The following THADA variants were observed in gnomAD, a reference collection of about 807,000 sequenced individuals.
The protein encoded by THADA is THADA armadillo repeat containing, also known as tRNA (32-2'-O)-methyltransferase regulator THADA.
In THADA, 213 loss-of-function variants were observed where a neutral mutation model predicts 219.8. The observed-to-expected ratio is 0.97, with a 90% CI of 0.87 to 1.09. The LOEUF is 1.09. Ranked by LOEUF, THADA falls within the 50% of genes least tolerant of loss-of-function variation. THADA has a pLI of 0.00. For synonymous variants in THADA, 1,018 were observed against 828.9 expected, an observed-to-expected ratio of 1.23 and a Z score of -3.92; for missense variants, 2,956 against 2,311.3, an observed-to-expected ratio of 1.28 and a Z score of -5.72.
chr2:43,551,004 T>C (rs1275944190), intron 19 of THADA, among the ~76,000 whole-genome samples: 1 of 152,208 alleles, frequency 6.6e-6, no homozygotes, highest in Non-Finnish European at 1.5e-5. Context: ...AACAACAGGC[T>C]AAATAAATGT....
At chr2:43,285,284 CGGG>C (rs374419975) in intron 35 of THADA, among the ~76,000 whole-genome samples, 209 of 152,224 alleles carry the variant, frequency 1.4e-3, no homozygotes, top group African/African-American at 5.0e-3. Context: ...GAATTGGAGG[CGGG>C]GCCTGGTGGG....
intron 26 of THADA, among the ~76,000 whole-genome samples, chr2:43,435,781 CAAAAAAA>C (rs542080356): frequency 3.7e-5 from 2 of 53,826 alleles, no homozygotes; most frequent in Non-Finnish European, 3.9e-5. Context: ...AACTTGCCAC[CAAAAAAA>C]AAAAAAAAAA....
At chr2:43,260,199 T>C (rs1198476248) in intron 36 of THADA, among the ~76,000 whole-genome samples, 3 of 152,206 alleles carry the variant, frequency 2.0e-5, no homozygotes, top group Non-Finnish European at 4.4e-5. Context: ...CCTCTCAAAG[T>C]GTGGGATCAC....
chr2:43,485,664 T>C (rs995946168), intron 25 of THADA, among the ~76,000 whole-genome samples: 1 of 152,146 alleles, frequency 6.6e-6, no homozygotes, highest in Non-Finnish European at 1.5e-5. Context: ...ACAATGAAGA[T>C]TGCAGTAAAA....
intron 26 of THADA, among the ~76,000 whole-genome samples, chr2:43,472,116 C>G (rs765706384): frequency 1.3e-5 from 2 of 152,170 alleles, no homozygotes; most frequent in Non-Finnish European, 2.9e-5. Context: ...AGAAAGAAAC[C>G]TCCATAAAAA....
chr2:43,580,819 G>A (rs1700353639), intron 8 of THADA, among the ~76,000 whole-genome samples: 1 of 151,886 alleles, frequency 6.6e-6, no homozygotes, highest in East Asian at 1.9e-4. Flanking sequence ...GGCAGAGGTT[G>A]CAGTGAGCCA....
intron 30 of THADA, among the ~76,000 whole-genome samples, chr2:43,327,473 TA>T (rs1679464912): frequency 3.2e-5 from 3 of 94,816 alleles, no homozygotes; most frequent in African/African-American, 4.1e-5. Flanking sequence ...GGGGGAGAAG[TA>T]AAGAGGGGGG....
intron 26 of THADA, among the ~76,000 whole-genome samples, chr2:43,431,535 G>A (rs947918513): frequency 1.3e-5 from 2 of 151,842 alleles, no homozygotes; most frequent in Admixed American, 6.6e-5. Context: ...GTGCGATCTC[G>A]GCTCACTGCA....
In THADA at chr2:43,344,139, T is replaced by G. The variant is rs1217220320; in HGVS notation, c.4326A>C (p.Lys1442Asn). ...TAACATACCTCTTGGCCAGCCAGAG[T>G]TTGGCTTTGGTACAAACAGTGATGT... ...LTDITVCTKA[K>N]LWLAKRQNPC... The change falls in exon 30 of 38, where the codon AAA (lysine) becomes AAC (asparagine). Residue 1442 changes from lysine to asparagine, a missense_variant. Lys to Asn is a moderately conservative substitution (Grantham distance 94). Coordinates refer to ENST00000405975, the MANE Select transcript of THADA (RefSeq NM_022065.5). The G allele has an allele frequency of 6.2e-7, 1 of 1,610,226 alleles. No homozygotes were observed. Among genetic ancestry groups the G allele is most frequent in the Non-Finnish European group, 8.5e-7 (1 of 1,178,310 alleles).
In THADA at chr2:43,504,607, T is replaced by C. The variant is rs116724804; in HGVS notation, c.3621+1015A>G. ...GGAGTGTCCTACTATAGGCTGGGCATGGTGGCTCACACCTGTAATCCTAGC... is the reference window on the plus strand; with the variant it reads ...GGAGTGTCCTACTATAGGCTGGGCACGGTGGCTCACACCTGTAATCCTAGC... On this transcript the variant is annotated intron_variant, in intron 24 of 37. Transcript: ENST00000405975. Among the ~76,000 whole-genome samples, 1,433 of 152,260 alleles carry C rather than the reference T, an allele frequency of 9.4e-3. 23 individuals are homozygous for C. The highest frequency in any genetic ancestry group is 0.033 in the African/African-American group (1,371 of 41,560).
chr2:43,523,273 G>C (rs558581005), intron 22 of THADA, among the ~76,000 whole-genome samples: 50 of 151,996 alleles, frequency 3.3e-4, no homozygotes, highest in African/African-American at 1.1e-3. Context: ...GGCTGAGACA[G>C]ATTCTGATCA....
chr2:43,368,542 G>A (rs529574624), intron 29 of THADA, among the ~76,000 whole-genome samples: 1 of 152,054 alleles, frequency 6.6e-6, no homozygotes, highest in South Asian at 2.1e-4. Context: ...AACTGCAGGT[G>A]TGTGCCAGCC....
intron 29 of THADA, among the ~76,000 whole-genome samples, chr2:43,357,235 G>A (rs768947090): frequency 1.3e-5 from 2 of 152,130 alleles, no homozygotes; most frequent in Non-Finnish European, 2.9e-5. Context: ...ATAAAACAAT[G>A]AGGGTTTTTT....
At chr2:43,489,271 C>T (rs1027475037) in intron 25 of THADA, among the ~76,000 whole-genome samples, 7 of 152,124 alleles carry the variant, frequency 4.6e-5, no homozygotes, top group Non-Finnish European at 8.8e-5. Flanking sequence ...GCCTTGAATT[C>T]CTGGGCTCAA....
chr2:43,403,949 A>C (rs1675197025), intron 28 of THADA, among the ~76,000 whole-genome samples: 1 of 152,168 alleles, frequency 6.6e-6, no homozygotes, highest in Non-Finnish European at 1.5e-5. Flanking sequence ...TGACAACCCA[A>C]AGTTGAGACA....
At chr2:43,552,039 T>C (rs145937350) in intron 18 of THADA, 114 bp from the exon 19 acceptor site, 5 of 1,544,440 alleles carry the variant, frequency 3.2e-6, no homozygotes, top group African/African-American at 2.8e-5. Context: ...ACATAAAACA[T>C]GTGAGACATA....
intron 31 of THADA, among the ~76,000 whole-genome samples, chr2:43,298,773 A>G (rs1675899726): frequency 6.6e-6 from 1 of 152,114 alleles, no homozygotes; most frequent in African/African-American, 2.4e-5. Context: ...AAGCCAGGGA[A>G]TGAAGGCACT....
Position 43,398,566 on chromosome 2 carries a change from C to T in THADA, c.4059-427G>A, listed in dbSNP as rs143264807. 7.0e-4 allele frequency among the ~76,000 whole-genome samples: 106 copies of T among 152,076 alleles called. 1 individual carries two copies. Among genetic ancestry groups the T allele is most frequent in the African/African-American group, 2.5e-3 (103 of 41,476 alleles). On this transcript the variant is annotated intron_variant, in intron 28 of 37. Coordinates refer to ENST00000405975, the MANE Select transcript of THADA (RefSeq NM_022065.5). Reference sequence around the variant, plus strand: ...ACATTTGAAAAAATGACCAAAAGTACGAGACAGTATAGGAAAAGTGAGAAG... The same window carrying T: ...ACATTTGAAAAAATGACCAAAAGTATGAGACAGTATAGGAAAAGTGAGAAG...
chr2:43,559,502 T>C (rs978255363), intron 16 of THADA, among the ~76,000 whole-genome samples: 1 of 152,116 alleles, frequency 6.6e-6, no homozygotes, highest in African/African-American at 2.4e-5. Flanking sequence ...TATAGAGCTC[T>C]AATAGAAAGC....
Sources: gnomAD v4.1 joint callset for allele counts (sites outside exome capture counted in the v4.1 genomes callset) on GRCh38, gnomAD v4.1.1 for gene constraint, MANE v1.5 for transcripts, NCBI Gene and HGNC (gene_info 2026-07-23, HGNC 2026-07-21) for gene names.